Variants in ATP8A1 observed in about 807,000 individuals in gnomAD.
ATP8A1 encodes ATPase phospholipid transporting 8A1.
A neutral mutation model predicts 177.7 loss-of-function variants in ATP8A1; 90 were observed. The ratio of observed to expected loss-of-function variants is 0.51; its 90% CI spans 0.43 to 0.60. ATP8A1 has a LOEUF of 0.60. ATP8A1 is among the 20% of genes least tolerant of loss of function. The pLI, the probability that ATP8A1 is intolerant of heterozygous loss-of-function variation, is 0.00. For synonymous variants in ATP8A1, 493 were observed against 485.9 expected, an observed-to-expected ratio of 1.01 and a Z score of -0.19; for missense variants, 1,072 against 1,392.8, an observed-to-expected ratio of 0.77 and a Z score of 3.67.
chr4:42,556,339 A>G (rs971805239), intron 15 of ATP8A1: 1 of 207,418 alleles, frequency 4.8e-6, no homozygotes, highest in Non-Finnish European at 9.5e-6. Context: ...TATAAAACTA[A>G]AACTATTAAA....
Position 42,566,072 on chromosome 4 carries a change from C to A in ATP8A1, c.1340+3089G>T, listed in dbSNP as rs141680552. Among the ~76,000 whole-genome samples the A allele has an allele frequency of 2.8e-3, 421 of 152,204 alleles. 5 individuals are homozygous for A. Among genetic ancestry groups the A allele is most frequent in the African/African-American group, 9.6e-3 (397 of 41,528 alleles). On this transcript the variant is annotated intron_variant, in intron 15 of 36. Coordinates refer to ENST00000381668, the MANE Select transcript of ATP8A1 (RefSeq NM_006095.2). Reference sequence around the variant, plus strand: ...TCTATAAACTATTTATATTAATACACCTAAGCGAGTAGAGCTACAACCATC... The same window carrying A: ...TCTATAAACTATTTATATTAATACAACTAAGCGAGTAGAGCTACAACCATC...
At chr4:42,478,767 C>T (rs1412494554) in intron 25 of ATP8A1, among the ~76,000 whole-genome samples, 1 of 152,150 alleles carries the variant, frequency 6.6e-6, no homozygotes, top group African/African-American at 2.4e-5. Flanking sequence ...CCTTTCTGTC[C>T]TGCTGCTATG....
At chr4:42,512,218 G>A (rs1322550272) in intron 22 of ATP8A1, among the ~76,000 whole-genome samples, 1 of 152,196 alleles carries the variant, frequency 6.6e-6, no homozygotes, top group Non-Finnish European at 1.5e-5. Flanking sequence ...CATACCCAAG[G>A]AAGCAAATGG....
At chr4:42,520,324 A>T (rs1725984435) in intron 22 of ATP8A1, among the ~76,000 whole-genome samples, 1 of 152,146 alleles carries the variant, frequency 6.6e-6, no homozygotes, top group Non-Finnish European at 1.5e-5. Flanking sequence ...CCTTATATTC[A>T]GAGACAGGAA....
At chr4:42,445,565 A>C (rs1717120263) in intron 31 of ATP8A1, among the ~76,000 whole-genome samples, 6 of 152,184 alleles carry the variant, frequency 3.9e-5, no homozygotes, top group Admixed American at 3.9e-4. Context: ...GTTTGCTAGC[A>C]CTTGATCAAT....
At chr4:42,508,177 G>T (rs937194014) in intron 22 of ATP8A1, among the ~76,000 whole-genome samples, 1 of 152,090 alleles carries the variant, frequency 6.6e-6, no homozygotes, top group Non-Finnish European at 1.5e-5. Context: ...CTGTTGCTCA[G>T]GCTGAAGTAC....
rs138089233 is a variant in ATP8A1, at chr4:42,495,602, T to A, written c.2151+7848A>T. Among the ~76,000 whole-genome samples the A allele has an allele frequency of 9.4e-5, 11 of 116,708 alleles. No individual in the cohort carries two copies. In the East Asian group the frequency reaches 3.5e-3, roughly 38 times the overall value. The allele number at this position is 116,708 out of a possible 152,430, so 76.6% of individuals were successfully genotyped here. A position where few individuals can be genotyped will look rare whatever the true frequency, so the allele number is the denominator to read the frequency against. On this transcript the variant is annotated intron_variant, in intron 24 of 36. Transcript: ENST00000381668. The stretch of plus-strand genomic sequence containing the variant: ...TAAAATCAAAACTTATTTTAAAAAA[T>A]TGTATTTATTGGTTTTTTTTTTTTG...
rs1198610305 is a variant in ATP8A1, at chr4:42,656,964, C to G, written c.-91G>C. ...GGAGACCCGGCTGCGCCGCGCAGAG[C>G]GCTCAGCTGCAGCCTGGGCCGCGCC... On this transcript the variant is annotated 5_prime_UTR_variant, in exon 1 of 37. Transcript: ENST00000381668. 3 of 1,298,296 alleles carry G rather than the reference C, an allele frequency of 2.3e-6. No homozygotes were observed. Among genetic ancestry groups the G allele is most frequent in the Admixed American group, 3.1e-5 (1 of 32,486 alleles). The allele number at this position is 1,298,296 out of a possible 1,614,324, so 80.4% of individuals were successfully genotyped here.
At chr4:42,517,584 A>T (rs1237039862) in intron 22 of ATP8A1, among the ~76,000 whole-genome samples, 3 of 152,236 alleles carry the variant, frequency 2.0e-5, no homozygotes, top group Non-Finnish European at 4.4e-5. Context: ...TCCCATCTGC[A>T]TTCTAACCAT....
rs1183107734 is a variant in ATP8A1, at chr4:42,618,635, ATGTGC to A, written c.364-2562_364-2558del. On this transcript the variant is annotated intron_variant, in intron 4 of 36. Coordinates refer to ENST00000381668, the MANE Select transcript of ATP8A1 (RefSeq NM_006095.2). Reference sequence around the variant, plus strand: ...AATAAATATTTACTAAACACTGACTATGTGCCAGGCCCTGTTACTGTTGCTGAGAC... The same window carrying A: ...AATAAATATTTACTAAACACTGACTACAGGCCCTGTTACTGTTGCTGAGAC... Among the ~76,000 whole-genome samples, 4 of 152,190 alleles carry A rather than the reference ATGTGC, an allele frequency of 2.6e-5. No individual in the cohort carries two copies. In the East Asian group the frequency reaches 7.7e-4, roughly 29 times the overall value.
chr4:42,544,526 G>A (rs1728700732), intron 19 of ATP8A1, among the ~76,000 whole-genome samples: 1 of 152,178 alleles, frequency 6.6e-6, no homozygotes, highest in Non-Finnish European at 1.5e-5. Context: ...CTTAATTTAT[G>A]CAGCAAAATT....
chr4:42,642,618 G>A (rs73170833), intron 1 of ATP8A1, among the ~76,000 whole-genome samples: 2,449 of 152,228 alleles, frequency 0.016, 59 homozygotes, highest in African/African-American at 0.055. Context: ...TGAGATTGCC[G>A]CACGCCCTAC....
At chr4:42,561,691 C>G (rs990679605) in intron 15 of ATP8A1, 1 of 152,268 alleles carries the variant, frequency 6.6e-6, no homozygotes, top group Non-Finnish European at 1.5e-5. Context: ...TAGGGAGCAC[C>G]ACCAGCTCAT....
At chr4:42,426,634 CTTCAT>C (rs1207813017) in intron 33 of ATP8A1, among the ~76,000 whole-genome samples, 2 of 152,340 alleles carry the variant, frequency 1.3e-5, no homozygotes, top group Non-Finnish European at 2.9e-5. Flanking sequence ...AACAAACTTT[CTTCAT>C]TTCAATTGTC....
rs1378333914 is a variant in ATP8A1 at position 42,590,814 on chromosome 4, G to A, written c.521C>T (p.Ser174Leu). The A allele has an allele frequency of 3.1e-6, 5 of 1,613,610 alleles. No homozygotes were observed. The highest frequency in any genetic ancestry group is 4.2e-6 in the Non-Finnish European group (5 of 1,179,866). The change falls in exon 7 of 37, where the codon TCA (serine) becomes TTA (leucine). Residue 174 changes from serine to leucine, a missense_variant. Coordinates refer to ENST00000381668, the MANE Select transcript of ATP8A1 (RefSeq NM_006095.2). ...TATACGACTCAGTGGTTCTAACCTTGAGGACAGACTGATGAGATCTGCTGG... is the reference window on the plus strand; with the variant it reads ...TATACGACTCAGTGGTTCTAACCTTAAGGACAGACTGATGAGATCTGCTGG... ...HLPADLISLS[S>L]SEPQAMCYIE... is the part of the protein sequence containing the mutation.
rs1357469732 is a variant in ATP8A1 at position 42,464,694 on chromosome 4, A to G, written c.2615T>C (p.Ile872Thr). 6.4e-7 allele frequency: 1 copy of G among 1,574,532 alleles called. No homozygotes were observed. Among genetic ancestry groups the G allele is most frequent in the South Asian group, 1.2e-5 (1 of 86,936 alleles). Residue 872 changes from isoleucine to threonine, a missense_variant, in exon 27 of 37, where the codon ATC (isoleucine) becomes ACC (threonine). Transcript: ENST00000381668. ...CFYKNIVLYI[I>T]EIWFAFVNGF... is the part of the protein sequence containing the mutation. ...TAAAATTTAACCTGCTATTACCTCGATAATATAGAGCACTATATTCTTGTA... is the reference window on the plus strand; with the variant it reads ...TAAAATTTAACCTGCTATTACCTCGGTAATATAGAGCACTATATTCTTGTA...
intron 1 of ATP8A1, among the ~76,000 whole-genome samples, chr4:42,651,838 CCT>C (rs573155275): frequency 4.6e-5 from 7 of 152,308 alleles, no homozygotes; most frequent in Non-Finnish European, 1.0e-4. Flanking sequence ...CACAGCCAAC[CCT>C]GTCTACCTCC....
intron 20 of ATP8A1, among the ~76,000 whole-genome samples, chr4:42,529,013 T>C (rs1248774967): frequency 2.0e-5 from 3 of 152,220 alleles, no homozygotes; most frequent in African/African-American, 7.2e-5. Flanking sequence ...CAATGCCTAG[T>C]GGGCTTATGT....
intron 6 of ATP8A1, chr4:42,594,455 A>T (rs1577666577): frequency 1.7e-5 from 12 of 717,912 alleles, no homozygotes; most frequent in African/African-American, 3.5e-5. Context: ...ACACAGTAAA[A>T]ATGGTTATCG....
Sources: gnomAD v4.1 joint callset for allele counts (sites outside exome capture counted in the v4.1 genomes callset) on GRCh38, gnomAD v4.1.1 for gene constraint, MANE v1.5 for transcripts, NCBI Gene and HGNC (gene_info 2026-07-23, HGNC 2026-07-21) for gene names.